The following GPHN variants were observed in gnomAD, a reference collection of about 807,000 sequenced individuals.
The protein encoded by GPHN is gephyrin.
A neutral mutation model predicts 95.5 loss-of-function variants in GPHN; 17 were observed. The ratio of observed to expected loss-of-function variants is 0.18; its 90% CI spans 0.12 to 0.27. The LOEUF is 0.27. Among genes scored for constraint, GPHN ranks in the 10% least tolerant of loss-of-function variants. GPHN has a pLI of 1.00. For synonymous variants in GPHN, 320 were observed against 322.5 expected (o/e 0.99, Z 0.08); for missense variants, 660 against 978.1 (o/e 0.67, Z 4.34).
At chr14:66,620,836 G>A (rs150346990) in intron 1 of GPHN, among the ~76,000 whole-genome samples, 2,024 of 152,262 alleles carry the variant, frequency 0.013, 22 homozygotes, top group Middle Eastern at 0.02. Context: ...AAAATCAGAA[G>A]CAACTTAGTT....
chr14:67,631,579 G>A, the GPHN span, among the ~76,000 whole-genome samples: 1 of 151,560 alleles, frequency 6.6e-6, no homozygotes, highest in African/African-American at 2.4e-5. Context: ...GGAACTACAG[G>A]GACATGCCAC....
chr14:66,761,755 G>A (rs1350369154), intron 2 of GPHN, among the ~76,000 whole-genome samples: 1 of 151,698 alleles, frequency 6.6e-6, no homozygotes, highest in Admixed American at 6.6e-5. Context: ...CGCCTCCTGG[G>A]TTCACGCCAT....
At chr14:67,499,296 G>A in the GPHN span, among the ~76,000 whole-genome samples, 1 of 152,272 alleles carries the variant, frequency 6.6e-6, no homozygotes, top group Admixed American at 6.5e-5. Flanking sequence ...GGGCCACTGT[G>A]CCCCACTAAT....
chr14:67,544,316 C>T, the GPHN span, among the ~76,000 whole-genome samples: 1 of 152,110 alleles, frequency 6.6e-6, no homozygotes, highest in East Asian at 1.9e-4. Flanking sequence ...TTTATACTAC[C>T]TGTGTGGTTT....
intron 8 of GPHN, among the ~76,000 whole-genome samples, chr14:66,935,077 A>G (rs909826955): frequency 1.3e-5 from 2 of 152,238 alleles, no homozygotes; most frequent in Non-Finnish European, 2.9e-5. Context: ...CTCTGTATTT[A>G]TAAAATAAAT....
chr14:67,628,416 A>G, the GPHN span, among the ~76,000 whole-genome samples: 3 of 152,334 alleles, frequency 2.0e-5, no homozygotes, highest in East Asian at 5.8e-4. Flanking sequence ...AGGTGAATAC[A>G]TAATCAGTAA....
At chr14:66,701,808 G>T (rs2068579772) in intron 2 of GPHN, among the ~76,000 whole-genome samples, 1 of 152,138 alleles carries the variant, frequency 6.6e-6, no homozygotes. Flanking sequence ...CCACAGCTAT[G>T]GCTGCCTACT....
the GPHN span, among the ~76,000 whole-genome samples, chr14:67,298,386 G>C: frequency 6.6e-6 from 1 of 151,880 alleles, no homozygotes; most frequent in South Asian, 2.1e-4. Context: ...GTGGTGGCGG[G>C]CACCTGTAAT....
chr14:67,732,032 C>T, the GPHN span, among the ~76,000 whole-genome samples: 1 of 148,976 alleles, frequency 6.7e-6, no homozygotes, highest in Non-Finnish European at 1.5e-5. Context: ...GAGGCTGAGG[C>T]AGGAGAATCA....
At chr14:67,619,744 G>A in the GPHN span, 3 of 502,952 alleles carry the variant, frequency 6.0e-6, no homozygotes, top group South Asian at 7.0e-5. Flanking sequence ...AGGCCAGAGT[G>A]GGGTGACGTC....
At chr14:67,516,632 T>C in the GPHN span, among the ~76,000 whole-genome samples, 4 of 147,896 alleles carry the variant, frequency 2.7e-5, no homozygotes, top group African/African-American at 9.9e-5. Context: ...CTTCCCCTAA[T>C]TGTCTGATGG....
At chr14:66,960,293 C>CT (rs1567153321) in intron 8 of GPHN, among the ~76,000 whole-genome samples, 1 of 145,208 alleles carries the variant, frequency 6.9e-6, no homozygotes, top group Non-Finnish European at 1.5e-5. Context: ...TTTTTTTTTT[C>CT]CCTGTGTACA....
At chr14:67,173,872 A>C (rs2082739547) in intron 21 of GPHN, among the ~76,000 whole-genome samples, 1 of 152,154 alleles carries the variant, frequency 6.6e-6, no homozygotes, top group African/African-American at 2.4e-5. Context: ...CATAAAAAAA[A>C]ACAGAAATCC....
chr14:67,652,780 C>T, the GPHN span, among the ~76,000 whole-genome samples: 1 of 152,120 alleles, frequency 6.6e-6, no homozygotes, highest in East Asian at 1.9e-4. Flanking sequence ...ACTTTCTAAT[C>T]AAGATTTTAC....
chr14:66,878,271 C>T (rs2063760304), intron 4 of GPHN, among the ~76,000 whole-genome samples: 1 of 151,912 alleles, frequency 6.6e-6, no homozygotes, highest in Admixed American at 6.6e-5. Flanking sequence ...CTATAAAAAC[C>T]CTAGAAGAAA....
chr14:67,694,465 C>CACAT, the GPHN span, among the ~76,000 whole-genome samples: 5 of 103,096 alleles, frequency 4.8e-5, no homozygotes, highest in South Asian at 2.8e-4. Flanking sequence ...CACACACACA[C>CACAT]ATATATATAT....
intron 2 of GPHN, among the ~76,000 whole-genome samples, chr14:66,704,377 G>T (rs928819513): frequency 6.6e-6 from 1 of 151,746 alleles, no homozygotes; most frequent in Non-Finnish European, 1.5e-5. Flanking sequence ...TCTCGGTGCC[G>T]CATAGCACTT....
the GPHN span, among the ~76,000 whole-genome samples, chr14:67,465,763 G>A: frequency 5.3e-5 from 8 of 152,354 alleles, no homozygotes; most frequent in South Asian, 1.7e-3. Context: ...ATTTTGAAAA[G>A]GGGTCTTTGC....
chr14:67,711,396 T>C, the GPHN span, among the ~76,000 whole-genome samples: 1 of 152,222 alleles, frequency 6.6e-6, no homozygotes. Flanking sequence ...ATTTCTAATA[T>C]TACTTTACCA....
Sources: allele counts gnomAD v4.1 joint callset (sites outside exome capture counted in the v4.1 genomes callset), GRCh38; gene constraint gnomAD v4.1.1; transcripts MANE v1.5; gene names NCBI Gene and HGNC (gene_info 2026-07-23, HGNC 2026-07-21).